Variants in CSMD1 observed in about 807,000 individuals in gnomAD.
CSMD1 encodes CUB and sushi domain-containing protein 1.
In CSMD1, 213 loss-of-function variants were observed where a neutral mutation model predicts 417.5. The ratio of observed to expected loss-of-function variants is 0.51; its 90% CI spans 0.46 to 0.57. The LOEUF (loss-of-function observed/expected upper bound fraction) is 0.57. CSMD1 is among the 20% of genes least tolerant of loss of function. The probability of loss-of-function intolerance (pLI) is 0.00; values close to 1 mark genes in which losing one functional copy is unlikely to be tolerated. For synonymous variants in CSMD1, 2,862 were observed against 1,736.8 expected, an observed-to-expected ratio of 1.65 and a Z score of -16.11; for missense variants, 6,923 against 4,529.7, an observed-to-expected ratio of 1.53 and a Z score of -15.17.
chr8:4,488,903 G>A (rs1801557290), intron 2 of CSMD1, among the ~76,000 whole-genome samples: 1 of 152,126 alleles, frequency 6.6e-6, no homozygotes, highest in Non-Finnish European at 1.5e-5. Context: ...CATGCCTTCA[G>A]CAATTACTAA....
chr8:3,864,995 G>C (rs1431599757), intron 5 of CSMD1, among the ~76,000 whole-genome samples: 5 of 152,180 alleles, frequency 3.3e-5, no homozygotes, highest in African/African-American at 9.7e-5. Flanking sequence ...ATCTGCTTTA[G>C]TCTGGTTGAG....
At chr8:2,948,967 CT>C (rs879697468) in intron 68 of CSMD1, among the ~76,000 whole-genome samples, 168 of 146,086 alleles carry the variant, frequency 1.2e-3, no homozygotes, top group Middle Eastern at 3.5e-3. Flanking sequence ...ATTACTCTTA[CT>C]TTTTTTTTTT....
chr8:4,241,795 C>A (rs1336532663), intron 3 of CSMD1, among the ~76,000 whole-genome samples: 1 of 151,654 alleles, frequency 6.6e-6, no homozygotes, highest in African/African-American at 2.4e-5. Flanking sequence ...ACTACAAGCT[C>A]CACCTCCTGG....
intron 11 of CSMD1, among the ~76,000 whole-genome samples, chr8:3,486,938 C>T (rs967354587): frequency 3.9e-5 from 6 of 152,150 alleles, no homozygotes; most frequent in Admixed American, 1.3e-4. Context: ...GTACTAATGA[C>T]GAAGGTTGGG....
rs865938953 is a variant in CSMD1 at position 4,623,205 on chromosome 8, G to T, written c.302+14137C>A. On this transcript the variant is annotated intron_variant, in intron 2 of 69. Coordinates refer to ENST00000635120, the MANE Select transcript of CSMD1 (RefSeq NM_033225.6). ...ATATTTTAACAGATACTTCACCAAG[G>T]AAGATATCTGAATGATCAATAAGCA... is the stretch of plus-strand genomic sequence containing the variant. 7.7e-4 allele frequency among the ~76,000 whole-genome samples: 117 copies of T among 152,234 alleles called. 1 individual carries two copies. In the Middle Eastern group the frequency reaches 0.01, roughly 13 times the overall value.
At chr8:3,726,965 A>G (rs1802534421) in intron 6 of CSMD1, among the ~76,000 whole-genome samples, 1 of 152,230 alleles carries the variant, frequency 6.6e-6, no homozygotes, top group South Asian at 2.1e-4. Flanking sequence ...AATTACATTT[A>G]TGAATATACA....
chr8:4,277,743 G>C (rs965320951), intron 3 of CSMD1, among the ~76,000 whole-genome samples: 1 of 151,998 alleles, frequency 6.6e-6, no homozygotes, highest in African/African-American at 2.4e-5. Flanking sequence ...TTCCCTAAAT[G>C]TATTTTTATT....
chr8:3,109,101 C>T (rs1225376598), intron 43 of CSMD1, among the ~76,000 whole-genome samples: 2 of 152,070 alleles, frequency 1.3e-5, no homozygotes, highest in Non-Finnish European at 2.9e-5. Flanking sequence ...CCTGTCTCTA[C>T]TAAAATTACA....
At chr8:4,225,196 G>A (rs1319557340) in intron 3 of CSMD1, among the ~76,000 whole-genome samples, 1 of 152,112 alleles carries the variant, frequency 6.6e-6, no homozygotes, top group Non-Finnish European at 1.5e-5. Flanking sequence ...TGGCAACTCA[G>A]CGCACACCTC....
At chr8:4,848,888 T>C (rs1190842090) in intron 1 of CSMD1, among the ~76,000 whole-genome samples, 1 of 152,260 alleles carries the variant, frequency 6.6e-6, no homozygotes, top group East Asian at 1.9e-4. Flanking sequence ...GTTTCTGGTT[T>C]ATAGTTTTAC....
At chr8:4,106,359 A>C (rs1454156181) in intron 3 of CSMD1, among the ~76,000 whole-genome samples, 2 of 152,200 alleles carry the variant, frequency 1.3e-5, no homozygotes, top group African/African-American at 2.4e-5. Flanking sequence ...TTAAGTCAAA[A>C]TAAAGCATTC....
At chr8:2,962,300 T>C (rs28367156) in intron 61 of CSMD1, among the ~76,000 whole-genome samples, 166 bp downstream of exon 61, 8,238 of 152,330 alleles carry the variant, frequency 0.054, 511 homozygotes, top group African/African-American at 0.16. Flanking sequence ...CACATCAGTT[T>C]AGCTGATGAG....
chr8:2,977,044 G>T (rs1804987430), intron 55 of CSMD1, among the ~76,000 whole-genome samples: 1 of 148,686 alleles, frequency 6.7e-6, no homozygotes, highest in Non-Finnish European at 1.5e-5. Flanking sequence ...CAGGATATGA[G>T]GTTTTTTTAA....
At chr8:3,121,636 A>G (rs1007561835) in intron 41 of CSMD1, among the ~76,000 whole-genome samples, 1 of 152,128 alleles carries the variant, frequency 6.6e-6, no homozygotes, top group African/African-American at 2.4e-5. Context: ...TTTACCTACT[A>G]TCTAAAGATG....
rs554294160 is a variant in CSMD1, at chr8:4,200,586, G to A, written c.416-168487C>T. The stretch of plus-strand genomic sequence containing the variant: ...ATAATTATAAATCTTGGCGGGCCTG[G>A]AGGCTCATGCCTGAAATCCCAGCAC... On this transcript the variant is annotated intron_variant, in intron 3 of 69. Transcript: ENST00000635120. 6.6e-5 allele frequency among the ~76,000 whole-genome samples: 10 copies of A among 152,272 alleles called. No homozygotes were observed. The South Asian group carries it at 1.7e-3, about 25-fold the overall frequency.
At chr8:3,113,501 A>G (rs1422093868) in intron 42 of CSMD1, 1 of 152,224 alleles carries the variant, frequency 6.6e-6, no homozygotes, top group African/African-American at 2.4e-5. Context: ...CCGATTCTAG[A>G]GCTAGCAGTC....
At chr8:3,576,567 G>C (rs1451214815) in intron 9 of CSMD1, among the ~76,000 whole-genome samples, 1 of 152,172 alleles carries the variant, frequency 6.6e-6, no homozygotes, top group African/African-American at 2.4e-5. Flanking sequence ...ACATTGATAA[G>C]TGTGTTAAAA....
intron 12 of CSMD1, among the ~76,000 whole-genome samples, chr8:3,423,562 G>C (rs1209102986): frequency 3.3e-5 from 5 of 152,152 alleles, no homozygotes; most frequent in Non-Finnish European, 7.4e-5. Flanking sequence ...GGCACCATTT[G>C]TCTATCTTAT....
chr8:4,200,862 T>C (rs1056064820), intron 3 of CSMD1, among the ~76,000 whole-genome samples: 2 of 151,676 alleles, frequency 1.3e-5, no homozygotes, highest in Non-Finnish European at 2.9e-5. Context: ...TGTCTCAAAA[T>C]AATGATGATA....
Sources: allele counts gnomAD v4.1 joint callset (sites outside exome capture counted in the v4.1 genomes callset), GRCh38; gene constraint gnomAD v4.1.1; transcripts MANE v1.5; gene names NCBI Gene and HGNC (gene_info 2026-07-23, HGNC 2026-07-21).